FLT1: variants seen among roughly 807,000 people sequenced by gnomAD.
FLT1 encodes vascular endothelial growth factor receptor 1.
In FLT1, 49 loss-of-function variants were observed where a neutral mutation model predicts 156.3. That is an observed-to-expected ratio of 0.31 (90% CI 0.25 to 0.40). The LOEUF is 0.40. Among genes scored for constraint, FLT1 ranks in the 10% least tolerant of loss-of-function variants. FLT1 has a pLI of 1.00. For missense variants in FLT1, 1,322 were observed against 1,637.2 expected (o/e 0.81, Z 3.32); for synonymous variants, 594 against 583.8 (o/e 1.02, Z -0.25).
At chr13:28,387,655 C>A in intron 13 of FLT1, 1 of 1,064,962 alleles carries the variant, frequency 9.4e-7, no homozygotes, top group Middle Eastern at 4.2e-4. Flanking sequence ...CAGCCTCACA[C>A]CCCCTGTTCC....
At chr13:28,390,129 C>T (rs1402944366) in intron 12 of FLT1, 25 bp from the exon 13 acceptor site, 4 of 1,606,862 alleles carry the variant, frequency 2.5e-6, no homozygotes, top group Non-Finnish European at 3.4e-6. Context: ...TAAAGAACTT[C>T]AGTTCACAGA....
At chr13:28,308,015 G>A (rs1174404409) in intron 28 of FLT1, among the ~76,000 whole-genome samples, 1 of 152,106 alleles carries the variant, frequency 6.6e-6, no homozygotes. Flanking sequence ...CTCGTGATCC[G>A]CCTGCCTTGG....
intron 6 of FLT1, among the ~76,000 whole-genome samples, chr13:28,431,764 A>C (rs1173456782): frequency 2.0e-5 from 3 of 152,206 alleles, no homozygotes; most frequent in African/African-American, 7.2e-5. Context: ...AAACGTGGAC[A>C]ATCATAAGCC....
intron 15 of FLT1, among the ~76,000 whole-genome samples, chr13:28,356,540 G>C (rs765365983): frequency 2.6e-5 from 4 of 152,168 alleles, no homozygotes; most frequent in East Asian, 1.9e-4. Flanking sequence ...AGTAGTTTCA[G>C]ACTTTCAGGG....
intron 13 of FLT1, chr13:28,389,529 CA>C (rs1593735350): frequency 6.3e-6 from 9 of 1,425,588 alleles, no homozygotes; most frequent in Non-Finnish European, 7.3e-6. Context: ...CCCCCCGGAG[CA>C]GCCCCCTCGG....
chr13:28,320,314 T>G (rs1871393469), intron 23 of FLT1, among the ~76,000 whole-genome samples: 1 of 152,146 alleles, frequency 6.6e-6, no homozygotes, highest in Non-Finnish European at 1.5e-5. Context: ...TTTATTTTTA[T>G]TTTTTTATTT....
At chr13:28,310,331 C>T (rs1870946618) in intron 27 of FLT1, among the ~76,000 whole-genome samples, 1 of 152,116 alleles carries the variant, frequency 6.6e-6, no homozygotes, top group African/African-American at 2.4e-5. Context: ...TAAAAGGAGT[C>T]CTGACTGCAT....
intron 16 of FLT1, among the ~76,000 whole-genome samples, chr13:28,341,713 G>T (rs1327571259): frequency 3.3e-5 from 5 of 152,078 alleles, no homozygotes; most frequent in Admixed American, 6.5e-5. Flanking sequence ...GGGATGTCTT[G>T]TTCCTCTTTG....
At chr13:28,358,118 A>C (rs993110752) in intron 14 of FLT1, among the ~76,000 whole-genome samples, 1 of 152,110 alleles carries the variant, frequency 6.6e-6, no homozygotes, top group African/African-American at 2.4e-5. Flanking sequence ...TGACATTTAC[A>C]ACCAGCCTGT....
intron 10 of FLT1, among the ~76,000 whole-genome samples, chr13:28,422,895 T>C (rs534563249): frequency 6.6e-6 from 1 of 152,220 alleles, no homozygotes; most frequent in Admixed American, 6.5e-5. Context: ...ATCCACCCTT[T>C]CCATTCCACA....
At chr13:28,349,152 T>A (rs1339595954) in intron 15 of FLT1, among the ~76,000 whole-genome samples, 1 of 152,154 alleles carries the variant, frequency 6.6e-6, no homozygotes, top group Non-Finnish European at 1.5e-5. Context: ...ACTGCTACAT[T>A]TCCAGGGTTC....
At chr13:28,489,737 T>C (rs1197579612) in intron 1 of FLT1, among the ~76,000 whole-genome samples, 1 of 152,022 alleles carries the variant, frequency 6.6e-6, no homozygotes, top group Non-Finnish European at 1.5e-5. Context: ...TGGAACCCAG[T>C]GTGTGTGTGG....
Position 28,479,116 on chromosome 13 carries a change from G to C in FLT1, c.65-11499C>G, listed in dbSNP as rs113616488. 8.6e-3 allele frequency among the ~76,000 whole-genome samples: 1,302 copies of C among 152,224 alleles called. 20 individuals carry two copies. Among genetic ancestry groups the C allele is most frequent in the African/African-American group, 0.029 (1,204 of 41,532 alleles). On this transcript the variant is annotated intron_variant, in intron 1 of 29. Transcript: ENST00000282397. ...ATTCTTTAAATTCACCCACTAACAG[G>C]AAAGTTGAGAAGATCTCTATCTTTG...
chr13:28,319,211 C>A (rs1447185902), intron 24 of FLT1, among the ~76,000 whole-genome samples: 2 of 152,078 alleles, frequency 1.3e-5, no homozygotes, highest in Non-Finnish European at 1.5e-5. Flanking sequence ...CTTGTTCTGA[C>A]CTTGTTCATG....
chr13:28,341,993 C>A (rs971462033), intron 16 of FLT1, among the ~76,000 whole-genome samples: 3 of 152,310 alleles, frequency 2.0e-5, no homozygotes, highest in African/African-American at 7.2e-5. Flanking sequence ...TGCGATTCTC[C>A]TGCTTCAGCT....
chr13:28,325,215 C>A lies in FLT1; in HGVS notation c.2796+2247G>T, dbSNP rs538736513. Reference sequence around the variant, plus strand: ...CCCAAACGTTCCATCCTGCCCAGGTCCCTAGGGTATTCTGCTGGCTTAGCT... The same window carrying A: ...CCCAAACGTTCCATCCTGCCCAGGTACCTAGGGTATTCTGCTGGCTTAGCT... On this transcript the variant is annotated intron_variant, in intron 20 of 29. Coordinates refer to ENST00000282397, the MANE Select transcript of FLT1 (RefSeq NM_002019.4). 1.6e-3 allele frequency among the ~76,000 whole-genome samples: 245 copies of A among 152,268 alleles called. 1 individual carries two copies. Among genetic ancestry groups the A allele is most frequent in the Non-Finnish European group, 3.0e-3 (203 of 68,010 alleles).
chr13:28,353,258 A>G (rs1872782706), intron 15 of FLT1, among the ~76,000 whole-genome samples: 1 of 152,176 alleles, frequency 6.6e-6, no homozygotes, highest in African/African-American at 2.4e-5. Flanking sequence ...GAAATATAGT[A>G]AGGCCTAAAT....
intron 11 of FLT1, among the ~76,000 whole-genome samples, chr13:28,397,939 G>T (rs546387008): frequency 6.6e-6 from 1 of 152,212 alleles, no homozygotes; most frequent in South Asian, 2.1e-4. Context: ...AACATTAGCA[G>T]TCAAAATTGC....
Position 28,322,674 on chromosome 13 carries a change from C to A in FLT1, c.2953+116G>T. 1 of 922,782 alleles carries A rather than the reference C, an allele frequency of 1.1e-6. No homozygotes were observed. Among genetic ancestry groups the A allele is most frequent in the Non-Finnish European group, 1.8e-6 (1 of 561,760 alleles). 57.2% of individuals were successfully genotyped at this position (922,782 alleles called of 1,614,324 possible). A position where few individuals can be genotyped will look rare whatever the true frequency, so the allele number is the denominator to read the frequency against. On this transcript the variant is annotated intron_variant, in intron 21 of 29. Coordinates refer to ENST00000282397, the MANE Select transcript of FLT1 (RefSeq NM_002019.4). The surrounding 1 kb of genome is among the most constrained non-coding windows in gnomAD (Gnocchi z 4.3). ...AAATCTTATCTCCTCAGGACATTACCATTCGAGTCTCCCACGGATGTTTAT... is the reference window on the plus strand; with the variant it reads ...AAATCTTATCTCCTCAGGACATTACAATTCGAGTCTCCCACGGATGTTTAT...
Sources: gnomAD v4.1 joint callset for allele counts (sites outside exome capture counted in the v4.1 genomes callset) on GRCh38, gnomAD v4.1.1 for gene constraint, Gnocchi (gnomAD v3.1) non-coding constraint, MANE v1.5 for transcripts, NCBI Gene and HGNC (gene_info 2026-07-23, HGNC 2026-07-21) for gene names.